NALF1: variants seen among roughly 807,000 people sequenced by gnomAD.
NALF1 encodes family with sequence similarity 155 member A.
Under a neutral mutation model 48.4 loss-of-function variants are expected in NALF1, and 3 were observed. The ratio of observed to expected loss-of-function variants is 0.06; its 90% CI spans 0.03 to 0.16. The LOEUF (loss-of-function observed/expected upper bound fraction) is 0.16, where lower values mean the gene tolerates loss of function less well. NALF1 is among the 10% of genes least tolerant of loss of function. The probability of loss-of-function intolerance (pLI) is 1.00; values close to 1 mark genes in which losing one functional copy is unlikely to be tolerated. For synonymous variants in NALF1, 262 were observed against 245.7 expected (o/e 1.07, Z -0.62); for missense variants, 526 against 571.5 (o/e 0.92, Z 0.81).
rs1878724929 is a variant in NALF1, at chr13:107,168,848, T to G, written c.*1649A>C. The G allele has an allele frequency of 1.3e-5, 2 of 152,640 alleles. No homozygotes were observed. Among genetic ancestry groups the G allele is most frequent in the South Asian group, 4.1e-4 (2 of 4,832 alleles). The allele number at this position is 152,640 out of a possible 1,614,324, so 9.5% of individuals were successfully genotyped here. ...CATAGCTATAAAGTTAATAACTAAA[T>G]TTTGTTCACTAAGAGGACCTTTTCT... On this transcript the variant is annotated 3_prime_UTR_variant, in exon 3 of 3. Transcript: ENST00000375915.
chr13:107,345,990 C>T (rs1882764803), intron 1 of NALF1, among the ~76,000 whole-genome samples: 2 of 152,124 alleles, frequency 1.3e-5, no homozygotes, highest in South Asian at 4.2e-4. Flanking sequence ...AACAGATGGC[C>T]AACATGCATA....
rs531663435 is a variant in NALF1, at chr13:107,329,131, C to A, written c.916-118376G>T. Among the ~76,000 whole-genome samples, 45 of 152,242 alleles carry A rather than the reference C, an allele frequency of 3.0e-4. 2 individuals carry two copies. The South Asian group carries it at 8.7e-3, about 29-fold the overall frequency. On this transcript the variant is annotated intron_variant, in intron 1 of 2. Transcript: ENST00000375915. The stretch of plus-strand genomic sequence containing the variant: ...TCAAGAAATGTGCAACATTCAAGAA[C>A]AAACGTGTACCATAAATATAAAATA...
intron 1 of NALF1, among the ~76,000 whole-genome samples, chr13:107,397,576 T>A (rs1023487574): frequency 2.0e-5 from 3 of 152,154 alleles, no homozygotes; most frequent in African/African-American, 7.2e-5. Flanking sequence ...TGCTCCACAG[T>A]CTGCCCTGGT....
At chr13:107,788,155 C>CT (rs1341083134) in intron 1 of NALF1, among the ~76,000 whole-genome samples, 3 of 151,944 alleles carry the variant, frequency 2.0e-5, no homozygotes, top group Non-Finnish European at 4.4e-5. Context: ...ATTGTAACTC[C>CT]TTTTTTTTCT....
rs1246098638 is a variant in NALF1 at position 107,299,460 on chromosome 13, A to AATAATAAAT, written c.916-88706_916-88705insATTTATTAT. ...CAATAATAATAATAATAATAATAAT[A>AATAATAAAT]ATAATAATAATAAATAAATAAATAA... On this transcript the variant is annotated intron_variant, in intron 1 of 2. Transcript: ENST00000375915. Among the ~76,000 whole-genome samples the AATAATAAAT allele has an allele frequency of 1.1e-3, 52 of 48,586 alleles. 1 individual carries two copies. The South Asian group carries it at 0.041, about 38-fold the overall frequency. The allele number at this position is 48,586 out of a possible 152,430, so 31.9% of individuals were successfully genotyped here.
intron 1 of NALF1, among the ~76,000 whole-genome samples, chr13:107,368,641 C>T (rs1197269048): frequency 6.6e-6 from 1 of 152,244 alleles, no homozygotes; most frequent in Non-Finnish European, 1.5e-5. Flanking sequence ...AGGCCCTCCT[C>T]TCTGTGTCTT....
rs1204485123 is a variant in NALF1 at position 107,497,343 on chromosome 13, A to C, written c.916-286588T>G. Among the ~76,000 whole-genome samples, 3 of 152,350 alleles carry C rather than the reference A, an allele frequency of 2.0e-5. No individual in the cohort carries two copies. In the East Asian group the frequency reaches 5.8e-4, roughly 29 times the overall value. ...ACAATTTATGTAACAGAAAAGTCAT[A>C]TAGAACACTATATAATTTCTAATAA... On this transcript the variant is annotated intron_variant, in intron 1 of 2. Transcript: ENST00000375915.
rs9559055 is a variant in NALF1, at chr13:107,539,226, C to T, written c.915+326456G>A. ...CTTATGATTCTGGAAACTGGGAAGT[C>T]CAAAATCATGGCATCAGCATCTGGT... On this transcript the variant is annotated intron_variant, in intron 1 of 2. Transcript: ENST00000375915. Among the ~76,000 whole-genome samples, 5,258 of 151,946 alleles carry T rather than the reference C, an allele frequency of 0.035. 444 individuals are homozygous for T. In the East Asian group the frequency reaches 0.35, roughly 10 times the overall value.
intron 1 of NALF1, among the ~76,000 whole-genome samples, chr13:107,791,635 T>C (rs1026552563): frequency 6.6e-6 from 1 of 152,182 alleles, no homozygotes; most frequent in African/African-American, 2.4e-5. Context: ...AAAAATATAA[T>C]GTTGTGAACA....
chr13:107,504,003 C>T (rs1044147113), intron 1 of NALF1, among the ~76,000 whole-genome samples: 1 of 151,576 alleles, frequency 6.6e-6, no homozygotes, highest in African/African-American at 2.4e-5. Context: ...CCTGTAATCC[C>T]AGCACTTTGG....
intron 1 of NALF1, among the ~76,000 whole-genome samples, chr13:107,699,233 T>C (rs1471537643): frequency 1.3e-5 from 2 of 152,142 alleles, no homozygotes; most frequent in Non-Finnish European, 2.9e-5. Flanking sequence ...CCAATATTTA[T>C]TGAATCTTTC....
At chr13:107,413,111 G>A (rs1389332848) in intron 1 of NALF1, among the ~76,000 whole-genome samples, 1 of 152,142 alleles carries the variant, frequency 6.6e-6, no homozygotes, top group East Asian at 1.9e-4. Context: ...CTGGGTAGAA[G>A]GGAACACAAT....
intron 1 of NALF1, among the ~76,000 whole-genome samples, chr13:107,570,006 G>A (rs1178751034): frequency 6.6e-6 from 1 of 151,896 alleles, no homozygotes; most frequent in African/African-American, 2.4e-5. Context: ...TTTGTTCCTT[G>A]ATAGTATAAA....
In NALF1 at chr13:107,664,515, T is replaced by C. The variant is rs78492074; in HGVS notation, c.915+201167A>G. On this transcript the variant is annotated intron_variant, in intron 1 of 2. Transcript: ENST00000375915. ...GCAAAGGAAAAGCCAACACCTATGGTGACGCCCTCTAAGGCCTTATCTGAT... is the reference window on the plus strand; with the variant it reads ...GCAAAGGAAAAGCCAACACCTATGGCGACGCCCTCTAAGGCCTTATCTGAT... Among the ~76,000 whole-genome samples the C allele has an allele frequency of 2.2e-3, 340 of 152,264 alleles. 2 individuals are homozygous for C. Among genetic ancestry groups the C allele is most frequent in the African/African-American group, 7.7e-3 (320 of 41,564 alleles).
chr13:107,271,809 TATA>T (rs1566470766), intron 1 of NALF1, among the ~76,000 whole-genome samples: 3 of 42,868 alleles, frequency 7.0e-5, no homozygotes, highest in African/African-American at 1.7e-4. Flanking sequence ...TATATATATA[TATA>T]TATATTTATA....
At chr13:107,702,210 A>G (rs748568434) in intron 1 of NALF1, among the ~76,000 whole-genome samples, 3 of 152,090 alleles carry the variant, frequency 2.0e-5, no homozygotes, top group Admixed American at 6.6e-5. Flanking sequence ...TTTGAGTGAC[A>G]TTAGCGAATT....
chr13:107,750,545 T>C (rs943712348), intron 1 of NALF1, among the ~76,000 whole-genome samples: 9 of 140,256 alleles, frequency 6.4e-5, no homozygotes, highest in Non-Finnish European at 1.3e-4. Flanking sequence ...AAAGAAAAAA[T>C]AGAAAAATTA....
At chr13:107,295,843 A>G (rs948033102) in intron 1 of NALF1, among the ~76,000 whole-genome samples, 1 of 152,360 alleles carries the variant, frequency 6.6e-6, no homozygotes, top group Non-Finnish European at 1.5e-5. Context: ...TTATTTTAAA[A>G]AAACACTACT....
intron 1 of NALF1, chr13:107,789,163 A>T (rs1878159261): frequency 6.6e-6 from 1 of 152,188 alleles, no homozygotes; most frequent in Admixed American, 6.5e-5. Context: ...TAACAGAAGG[A>T]AATTTTGTGT....
Sources: allele counts gnomAD v4.1 joint callset (sites outside exome capture counted in the v4.1 genomes callset), GRCh38; gene constraint gnomAD v4.1.1; transcripts MANE v1.5; gene names NCBI Gene and HGNC (gene_info 2026-07-23, HGNC 2026-07-21).